Variants in CTNNA2 observed in about 807,000 individuals in gnomAD.
CTNNA2 encodes catenin alpha-2.
In CTNNA2, 42 loss-of-function variants were observed where a neutral mutation model predicts 101.0. The ratio of observed to expected loss-of-function variants is 0.42; its 90% CI spans 0.32 to 0.54. The LOEUF (loss-of-function observed/expected upper bound fraction) is 0.54, where lower values mean the gene tolerates loss of function less well. Ranked by LOEUF, CTNNA2 falls within the 20% of genes least tolerant of loss-of-function variation. The pLI, the probability that CTNNA2 is intolerant of heterozygous loss-of-function variation, is 0.14. For synonymous variants in CTNNA2, 450 were observed against 456.4 expected (o/e 0.99, Z 0.18); for missense variants, 871 against 1,223.1 (o/e 0.71, Z 4.29).
At chr2:79,793,200 T>G (rs1675420849) in intron 3 of CTNNA2, among the ~76,000 whole-genome samples, 2 of 152,194 alleles carry the variant, frequency 1.3e-5, no homozygotes, top group Admixed American at 6.5e-5. Context: ...AGTATTGCAG[T>G]GCCAGCAAGC....
intron 7 of CTNNA2, among the ~76,000 whole-genome samples, chr2:79,995,123 G>A (rs1482703375): frequency 4.6e-5 from 7 of 152,166 alleles, no homozygotes; most frequent in Admixed American, 6.6e-5. Context: ...ATGGCATCTG[G>A]AGGCTGAGTC....
At chr2:79,626,697 G>T (rs1179658742) in intron 1 of CTNNA2, among the ~76,000 whole-genome samples, 1 of 151,054 alleles carries the variant, frequency 6.6e-6, no homozygotes, top group Non-Finnish European at 1.5e-5. Context: ...AAATGAATAT[G>T]AATCTGGAAA....
intron 7 of CTNNA2, among the ~76,000 whole-genome samples, chr2:80,134,350 A>G (rs890339878): frequency 1.3e-5 from 2 of 152,128 alleles, no homozygotes; most frequent in Non-Finnish European, 2.9e-5. Context: ...ACCAAGGCCA[A>G]TTGATGGTTG....
chr2:80,341,073 C>T (rs1672193791), intron 7 of CTNNA2, among the ~76,000 whole-genome samples: 1 of 152,170 alleles, frequency 6.6e-6, no homozygotes, highest in African/African-American at 2.4e-5. Flanking sequence ...TCTTCTGTCT[C>T]TGTGGAGTTG....
At chr2:79,309,522 A>C (rs1676319530) in intron 2 of CTNNA2, among the ~76,000 whole-genome samples, 1 of 152,206 alleles carries the variant, frequency 6.6e-6, no homozygotes, top group Admixed American at 6.5e-5. Flanking sequence ...ATTATTTCAA[A>C]GTTATAATAC....
chr2:80,094,781 G>A (rs1316027846), intron 7 of CTNNA2, among the ~76,000 whole-genome samples: 2 of 152,152 alleles, frequency 1.3e-5, no homozygotes, highest in East Asian at 1.9e-4. Context: ...GTGAATGGGA[G>A]TTCACTCATG....
rs1553385622 is a variant in CTNNA2 at position 79,243,005 on chromosome 2, C to CACACACAT, written c.-406+44936_-406+44937insTACACACA. On this transcript the variant is annotated intron_variant, in intron 2 of 21. Coordinates refer to the CTNNA2 transcript ENST00000466387. The stretch of plus-strand genomic sequence containing the variant: ...ATATATATATATATACACACACACA[C>CACACACAT]ACACACACACACACACACACACACG... Among the ~76,000 whole-genome samples, 188 of 140,296 alleles carry CACACACAT rather than the reference C, an allele frequency of 1.3e-3. 1 individual carries two copies. Among genetic ancestry groups the CACACACAT allele is most frequent in the East Asian group, 5.3e-3 (26 of 4,942 alleles). The allele number at this position is 140,296 out of a possible 152,430, so 92.0% of individuals were successfully genotyped here.
At chr2:79,245,270 C>A (rs949738542) in intron 2 of CTNNA2, among the ~76,000 whole-genome samples, 2 of 152,146 alleles carry the variant, frequency 1.3e-5, no homozygotes, top group South Asian at 2.1e-4. Flanking sequence ...GGCCAACATG[C>A]GAAATGCCTT....
intron 3 of CTNNA2, among the ~76,000 whole-genome samples, chr2:79,336,372 C>G (rs1676994940): frequency 1.3e-5 from 2 of 152,098 alleles, no homozygotes; most frequent in African/African-American, 2.4e-5. Context: ...AGTTAAGAGT[C>G]CCCCACTGAG....
intron 7 of CTNNA2, among the ~76,000 whole-genome samples, chr2:80,217,624 C>CT (rs1289561024): frequency 6.6e-6 from 1 of 152,122 alleles, no homozygotes; most frequent in Non-Finnish European, 1.5e-5. Flanking sequence ...GTTGTAGGCA[C>CT]TATATTAGAT....
At chr2:79,873,738 CT>C (rs35426130) in intron 5 of CTNNA2, among the ~76,000 whole-genome samples, 108 of 146,960 alleles carry the variant, frequency 7.3e-4, no homozygotes, top group Admixed American at 6.8e-4. Context: ...ACTTCCACAA[CT>C]TTTTTTTTTT....
chr2:80,318,487 T>C (rs1052695037), intron 7 of CTNNA2, among the ~76,000 whole-genome samples: 2 of 152,144 alleles, frequency 1.3e-5, no homozygotes, highest in Non-Finnish European at 2.9e-5. Flanking sequence ...GGTAAATTCC[T>C]TCTCTATATA....
chr2:79,769,109 C>G (rs1673389575), intron 3 of CTNNA2, among the ~76,000 whole-genome samples: 1 of 152,160 alleles, frequency 6.6e-6, no homozygotes, highest in Non-Finnish European at 1.5e-5. Flanking sequence ...CCCGGCTCGG[C>G]CTCCCAAAGT....
intron 1 of CTNNA2, among the ~76,000 whole-genome samples, chr2:79,624,794 T>C (rs935938117): frequency 6.6e-6 from 1 of 152,128 alleles, no homozygotes; most frequent in Non-Finnish European, 1.5e-5. Flanking sequence ...TAAGATCAGT[T>C]CTGGTGAGAA....
rs144764314 is a variant in CTNNA2 at position 80,016,474 on chromosome 2, G to A, written c.1056+106677G>A. Among the ~76,000 whole-genome samples, 518 of 152,284 alleles carry A rather than the reference G, an allele frequency of 3.4e-3. 4 individuals are homozygous for A. Among genetic ancestry groups the A allele is most frequent in the African/African-American group, 0.012 (486 of 41,546 alleles). ...TGAGAAAGTGGAACCAGGGCAAAGT[G>A]TCAGAGAGTGAGGCCTCTTTAATTA... On this transcript the variant is annotated intron_variant, in intron 7 of 18. Coordinates refer to ENST00000402739, the MANE Select transcript of CTNNA2 (RefSeq NM_001282597.3).
At chr2:80,642,693 A>G (rs1271884549) in intron 18 of CTNNA2, among the ~76,000 whole-genome samples, 1 of 152,228 alleles carries the variant, frequency 6.6e-6, no homozygotes, top group African/African-American at 2.4e-5. Context: ...ATGAAGTAGC[A>G]TGCAGCTAAG....
intron 8 of CTNNA2, among the ~76,000 whole-genome samples, chr2:80,394,829 G>A (rs906188291): frequency 6.6e-6 from 1 of 152,058 alleles, no homozygotes; most frequent in African/African-American, 2.4e-5. Flanking sequence ...CTATGTCAGA[G>A]GTCCCAATGA....
chr2:80,267,340 A>G (rs1263687356), intron 7 of CTNNA2, among the ~76,000 whole-genome samples: 1 of 152,236 alleles, frequency 6.6e-6, no homozygotes, highest in African/African-American at 2.4e-5. Flanking sequence ...AATAAGTAAG[A>G]GAAATGAAAA....
chr2:79,214,035 A>G (rs1415509688), intron 2 of CTNNA2, among the ~76,000 whole-genome samples: 1 of 152,190 alleles, frequency 6.6e-6, no homozygotes. Context: ...GACCGCACTA[A>G]CTATGCCTAG....
Sources: gnomAD v4.1 joint callset for allele counts (sites outside exome capture counted in the v4.1 genomes callset) on GRCh38, gnomAD v4.1.1 for gene constraint, MANE v1.5 for transcripts, NCBI Gene and HGNC (gene_info 2026-07-23, HGNC 2026-07-21) for gene names.